The following FAM50B variants were observed in gnomAD, a reference collection of about 807,000 sequenced individuals.
FAM50B encodes protein FAM50B.
FAM50B carries 9 observed loss-of-function variants against 25.4 expected under a neutral mutation model. The ratio of observed to expected loss-of-function variants is 0.35; its 90% CI spans 0.21 to 0.62. The LOEUF is 0.62. FAM50B is among the 20% of genes least tolerant of loss of function. The pLI, the probability that FAM50B is intolerant of heterozygous loss-of-function variation, is 0.73. For synonymous variants in FAM50B, 212 were observed against 204.3 expected (o/e 1.04, Z -0.32); for missense variants, 372 against 477.9 (o/e 0.78, Z 2.07).
At chr6:3,834,186 A>G in the FAM50B span, among the ~76,000 whole-genome samples, 1 of 152,178 alleles carries the variant, frequency 6.6e-6, no homozygotes. Flanking sequence ...TTTAAAACCT[A>G]TAAAACTGAG....
upstream of FAM50B, among the ~76,000 whole-genome samples, chr6:3,844,527 A>G (rs1434994792): frequency 3.3e-5 from 5 of 152,126 alleles, no homozygotes; most frequent in Non-Finnish European, 5.9e-5. Context: ...CCTGACCAAC[A>G]TGGCAAAACC....
Position 3,850,181 on chromosome 6 carries a change from C to G in FAM50B, c.370C>G (p.Leu124Val). The G allele has an allele frequency of 1.3e-5, 21 of 1,613,446 alleles. No homozygotes were observed. Among genetic ancestry groups the G allele is most frequent in the Non-Finnish European group, 1.8e-5 (21 of 1,179,850 alleles). Residue 124 changes from leucine to valine, a missense_variant, in exon 2 of 2, where the codon CTA (leucine) becomes GTA (valine). Physicochemically the swap from Leu to Val is conservative, Grantham distance 32. Around this residue, in one of 4 missense-constraint regions of FAM50B, gnomAD observed 224 missense variants for 232.2 expected, o/e 0.96. Transcript: ENST00000648326. ...TAAGATCTCCTGCCTGTCCTTTGCA[C>G]TAGACGACCTCGATGACCAGGCCGA... Reference protein sequence around the residue: ...KRKISCLSFALDDLDDQADAA... With the variant: ...KRKISCLSFAVDDLDDQADAA...
chr6:3,841,074 A>C, the FAM50B span, among the ~76,000 whole-genome samples: 2 of 152,240 alleles, frequency 1.3e-5, no homozygotes, highest in Non-Finnish European at 1.5e-5. Flanking sequence ...TCTAACAAAA[A>C]ATACAAGTCT....
the FAM50B span, among the ~76,000 whole-genome samples, chr6:3,834,382 G>GAAAAAAAAAAAAAAAAAAAAAAAAA: frequency 8.5e-6 from 1 of 117,602 alleles, no homozygotes; most frequent in African/African-American, 3.3e-5. Flanking sequence ...AAAAAAGGAA[G>GAAAAAAAAAAAAAAAAAAAAAAAAA]AAAAGAAAAG....
At chr6:3,832,829 A>C in the FAM50B span, among the ~76,000 whole-genome samples, 1 of 151,988 alleles carries the variant, frequency 6.6e-6, no homozygotes, top group Admixed American at 6.6e-5. Context: ...CCTTATGTTG[A>C]ATAGCTAGTA....
the FAM50B span, among the ~76,000 whole-genome samples, chr6:3,836,392 G>A: frequency 1.3e-5 from 2 of 152,178 alleles, no homozygotes; most frequent in African/African-American, 4.8e-5. Flanking sequence ...TTGCATGGAC[G>A]ATCTCAAGGA....
In FAM50B at chr6:3,850,956, T is replaced by TTGC; in HGVS notation, c.*169_*171dup. The TTGC allele has an allele frequency of 8.5e-7, 1 of 1,176,496 alleles. No individual in the cohort carries two copies. The highest frequency in any genetic ancestry group is 1.6e-5 in the South Asian group (1 of 61,732). 72.9% of individuals were successfully genotyped at this position (1,176,496 alleles called of 1,614,324 possible). A position where few individuals can be genotyped will look rare whatever the true frequency, so the allele number is the denominator to read the frequency against. ...TGCTATTGCTGATGTTATGCTTTGG[T>TTGC]TGCTTGGTTGGTCTTTTCTGAGTAT... On this transcript the variant is annotated 3_prime_UTR_variant, in exon 2 of 2. Transcript: ENST00000648326.
chr6:3,840,245 G>A, the FAM50B span, among the ~76,000 whole-genome samples: 3 of 152,076 alleles, frequency 2.0e-5, no homozygotes, highest in East Asian at 5.9e-4. Context: ...CGCCCGCCTG[G>A]GCCTCCCAAA....
chr6:3,848,330 C>T (rs1414989822), upstream of FAM50B, among the ~76,000 whole-genome samples: 1 of 152,090 alleles, frequency 6.6e-6, no homozygotes, highest in Non-Finnish European at 1.5e-5. Flanking sequence ...TAGATTAAGG[C>T]AAGTGGTGGG....
At chr6:3,844,314 C>T in the FAM50B span, among the ~76,000 whole-genome samples, 3 of 152,098 alleles carry the variant, frequency 2.0e-5, no homozygotes, top group African/African-American at 7.2e-5. Context: ...TGCTCCCTCT[C>T]CTCTGTTGTA....
chr6:3,840,429 C>T, the FAM50B span, among the ~76,000 whole-genome samples: 2 of 151,938 alleles, frequency 1.3e-5, no homozygotes, highest in African/African-American at 2.4e-5. Flanking sequence ...GCCGAGATCA[C>T]GCCACTGCAC....
In FAM50B at chr6:3,850,019, C is replaced by T. The variant is rs2113032761; in HGVS notation, c.208C>T (p.Leu70=). The change falls in exon 2 of 2, where the codon CTG becomes TTG. Residue 70 remains leucine (L), a synonymous_variant. Coordinates refer to ENST00000648326, the MANE Select transcript of FAM50B (RefSeq NM_012135.3). ...GTCCAGCACGGTGGGCCTGGTGACC[C>T]TGAACGACATGAAGGCCCGGCAGGA... is the stretch of plus-strand genomic sequence containing the variant. ...LKSSTVGLVT[L]NDMKARQEAL... is the part of the protein sequence containing the mutation. The T allele has an allele frequency of 6.2e-7, 1 of 1,613,624 alleles. No individual in the cohort carries two copies. Among genetic ancestry groups the T allele is most frequent in the Non-Finnish European group, 8.5e-7 (1 of 1,179,820 alleles).
In FAM50B at chr6:3,850,470, T is replaced by TGC. The variant is rs1238700985; in HGVS notation, c.662_663dup (p.Lys222AlafsTer123). On this transcript the variant is annotated frameshift_variant, in exon 2 of 2. Transcript: ENST00000648326. LOFTEE classifies it high-confidence loss of function. ...TTCCTGAAGAAGGCGCTGCAGGGGC[T>TGC]GCGCAAGGACTTCCTGGAGCTGCGC... 6.2e-7 allele frequency: 1 copy of TGC among 1,613,538 alleles called. No homozygotes were observed. The highest frequency in any genetic ancestry group is 1.1e-5 in the South Asian group (1 of 91,082).
At chr6:3,844,651 C>T (rs2127617562), upstream of FAM50B, among the ~76,000 whole-genome samples, 1 of 152,190 alleles carries the variant, frequency 6.6e-6, no homozygotes, top group East Asian at 1.9e-4. Flanking sequence ...GCGGAGGTTG[C>T]AGTGGGCCGA....
chr6:3,850,540 C>T lies in FAM50B; in HGVS notation c.729C>T (p.Ile243=). The change falls in exon 2 of 2, where the codon ATC becomes ATT. Residue 243 remains isoleucine, a synonymous_variant. Coordinates refer to ENST00000648326, the MANE Select transcript of FAM50B (RefSeq NM_012135.3). The part of the protein sequence containing the change: ...EQLMFIKEDL[I]LPHYHTFYDF... ...TCATGTTCATCAAGGAGGACCTCAT[C>T]CTGCCGCACTACCACACCTTCTACG... 3.1e-6 allele frequency: 5 copies of T among 1,614,078 alleles called. No individual in the cohort carries two copies. Among genetic ancestry groups the T allele is most frequent in the Non-Finnish European group, 4.2e-6 (5 of 1,180,042 alleles).
chr6:3,847,881 T>A (rs1258919101), upstream of FAM50B, among the ~76,000 whole-genome samples: 1 of 152,216 alleles, frequency 6.6e-6, no homozygotes, highest in African/African-American at 2.4e-5. Flanking sequence ...TATTGCTGTG[T>A]CTCAGGCACT....
At chr6:3,834,749 CTTACAT>C in the FAM50B span, among the ~76,000 whole-genome samples, 2 of 151,966 alleles carry the variant, frequency 1.3e-5, no homozygotes, top group Non-Finnish European at 2.9e-5. Flanking sequence ...TTGATATAGT[CTTACAT>C]TGAAATATAT....
chr6:3,849,160 C>T (rs1426346469), upstream of FAM50B, among the ~76,000 whole-genome samples: 1 of 152,248 alleles, frequency 6.6e-6, no homozygotes, highest in South Asian at 2.1e-4. Flanking sequence ...CCAGCCACGG[C>T]TGGGCAGGGC....
At chr6:3,832,416 T>C in the FAM50B span, among the ~76,000 whole-genome samples, 1 of 152,244 alleles carries the variant, frequency 6.6e-6, no homozygotes, top group South Asian at 2.1e-4. Context: ...TTCTCCTCCC[T>C]GCTCCTTCCA....
Sources: gnomAD v4.1 joint callset for allele counts (sites outside exome capture counted in the v4.1 genomes callset) on GRCh38, gnomAD v4.1.1 for gene constraint, gnomAD v4.1.1 regional missense constraint, MANE v1.5 for transcripts, NCBI Gene and HGNC (gene_info 2026-07-23, HGNC 2026-07-21) for gene names.